The following MGAT4C variants were observed in gnomAD, a reference collection of about 807,000 sequenced individuals.
MGAT4C encodes alpha-1,3-mannosyl-glycoprotein 4-beta-N-acetylglucosaminyltransferase C.
In MGAT4C, 19 loss-of-function variants were observed where a neutral mutation model predicts 40.1. That is an observed-to-expected ratio of 0.47 (90% CI 0.33 to 0.70). MGAT4C has a LOEUF of 0.70. Ranked by LOEUF, MGAT4C falls within the 30% of genes least tolerant of loss-of-function variation. MGAT4C has a pLI of 0.02. For synonymous variants in MGAT4C, 181 were observed against 187.1 expected, an observed-to-expected ratio of 0.97 and a Z score of 0.27; for missense variants, 491 against 563.2, an observed-to-expected ratio of 0.87 and a Z score of 1.30.
At chr12:86,175,556 G>C (rs1477732374) in intron 1 of MGAT4C, among the ~76,000 whole-genome samples, 1 of 152,002 alleles carries the variant, frequency 6.6e-6, no homozygotes, top group East Asian at 1.9e-4. Flanking sequence ...TACATATTCA[G>C]GATTCTCTCT....
At position 86,048,358 on chromosome 12, in the gene MGAT4C, C is replaced by T. The variant is rs558646609; in HGVS notation, c.-7+1316G>A. The stretch of plus-strand genomic sequence containing the variant: ...AGTGAGGGTTGAAAAACTACTAAAT[C>T]GGGTACTATGCTTGCTACCTGAGTG... On this transcript the variant is annotated intron_variant, in intron 2 of 4. Coordinates refer to ENST00000611864, the MANE Select transcript of MGAT4C (RefSeq NM_001351288.2). 7.9e-5 allele frequency among the ~76,000 whole-genome samples: 12 copies of T among 152,006 alleles called. No homozygotes were observed. The South Asian group carries it at 1.5e-3, about 18-fold the overall frequency.
At chr12:86,375,764 C>A (rs1955811758) in intron 3 of MGAT4C, among the ~76,000 whole-genome samples, 2 of 151,908 alleles carry the variant, frequency 1.3e-5, no homozygotes, top group Non-Finnish European at 2.9e-5. Flanking sequence ...TCAAGATTGT[C>A]ATTAACAATG....
intron 2 of MGAT4C, among the ~76,000 whole-genome samples, chr12:86,603,622 T>C (rs1471008793): frequency 8.0e-6 from 1 of 125,546 alleles, no homozygotes; most frequent in Non-Finnish European, 1.6e-5. Context: ...ATATATTATA[T>C]AGTCTATAGA....
chr12:85,980,377 G>A lies in MGAT4C; in HGVS notation c.349C>T (p.Leu117Phe). Residue 117 changes from leucine (L) to phenylalanine (F), a missense_variant, in exon 5 of 5, where the codon CTT becomes TTT. Transcript: ENST00000611864. ...SVKRKKGNYLLETIKSIFEQS... is the reference protein window; with the variant it reads ...SVKRKKGNYLFETIKSIFEQS... Reference sequence around the variant, plus strand: ...TCAAAAATTGACTTAATTGTCTCAAGTAAATAGTTTCCTTTTTTTCGCTTT... The same window carrying A: ...TCAAAAATTGACTTAATTGTCTCAAATAAATAGTTTCCTTTTTTTCGCTTT... 1 of 1,610,220 alleles carries A rather than the reference G, an allele frequency of 6.2e-7. No homozygotes were observed. Among genetic ancestry groups the A allele is most frequent in the Non-Finnish European group, 8.5e-7 (1 of 1,178,642 alleles).
At chr12:86,798,598 A>C (rs1239214947) in intron 1 of MGAT4C, among the ~76,000 whole-genome samples, 1 of 151,924 alleles carries the variant, frequency 6.6e-6, no homozygotes, top group Non-Finnish European at 1.5e-5. Flanking sequence ...ATTATTTATC[A>C]ATCTTTGTCT....
intron 1 of MGAT4C, among the ~76,000 whole-genome samples, chr12:86,740,052 T>C (rs866971533): frequency 2.0e-5 from 3 of 151,066 alleles, no homozygotes; most frequent in Non-Finnish European, 4.5e-5. Flanking sequence ...TGATTCACAA[T>C]CATTATTTTT....
intron 2 of MGAT4C, among the ~76,000 whole-genome samples, chr12:86,569,102 A>G (rs1211005392): frequency 6.6e-6 from 1 of 152,072 alleles, no homozygotes. Flanking sequence ...ATATATATAT[A>G]TTCTTCAGGA....
chr12:86,057,487 A>G (rs116696059), intron 1 of MGAT4C, among the ~76,000 whole-genome samples: 566 of 152,272 alleles, frequency 3.7e-3, no homozygotes, highest in African/African-American at 0.013. Flanking sequence ...ACTACCTGCT[A>G]TTTTCCAAAC....
At chr12:86,108,733 C>A (rs1307135053) in intron 1 of MGAT4C, among the ~76,000 whole-genome samples, 1 of 152,104 alleles carries the variant, frequency 6.6e-6, no homozygotes. Context: ...ATGTATGAGG[C>A]ATGGATGTTT....
intron 1 of MGAT4C, among the ~76,000 whole-genome samples, chr12:86,167,435 T>C (rs1593125509): frequency 6.6e-6 from 1 of 152,200 alleles, no homozygotes; most frequent in South Asian, 2.1e-4. Flanking sequence ...AGAGAAAGCT[T>C]AATCTGAATC....
At chr12:86,573,482 C>T (rs754735041) in intron 2 of MGAT4C, among the ~76,000 whole-genome samples, 3 of 151,994 alleles carry the variant, frequency 2.0e-5, no homozygotes, top group Non-Finnish European at 4.4e-5. Flanking sequence ...ACATTCAAAA[C>T]ATGCTTACTG....
rs1957971552 is a variant in MGAT4C, at chr12:86,483,697, CTTAT to C, written c.-228-48436_-228-48433del. On this transcript the variant is annotated intron_variant, in intron 2 of 7. Coordinates refer to the MGAT4C transcript ENST00000548651. ...TTCACTCCAACATATTCATATGGCA[CTTAT>C]TTATTTGCAGAACTTTAGACTTCAG... 6.0e-5 allele frequency among the ~76,000 whole-genome samples: 9 copies of C among 150,730 alleles called. 1 individual carries two copies. The South Asian group carries it at 1.9e-3, about 32-fold the overall frequency.
chr12:86,504,214 G>T (rs1263332099), intron 2 of MGAT4C, among the ~76,000 whole-genome samples: 1 of 151,944 alleles, frequency 6.6e-6, no homozygotes, highest in African/African-American at 2.4e-5. Flanking sequence ...TATATTATTG[G>T]TATATTTGAA....
At chr12:86,823,624 G>GATAGA (rs1952745240) in intron 1 of MGAT4C, among the ~76,000 whole-genome samples, 1 of 150,728 alleles carries the variant, frequency 6.6e-6, no homozygotes, top group South Asian at 2.1e-4. Context: ...AGATATCCAG[G>GATAGA]ATAGAAAATG....
At chr12:86,821,496 G>C (rs1232935623) in intron 1 of MGAT4C, among the ~76,000 whole-genome samples, 3 of 150,770 alleles carry the variant, frequency 2.0e-5, no homozygotes, top group Admixed American at 1.3e-4. Context: ...TCATTTCTTT[G>C]TGTTAGGAAC....
chr12:86,206,371 C>G (rs981224898), intron 1 of MGAT4C, among the ~76,000 whole-genome samples: 1 of 152,086 alleles, frequency 6.6e-6, no homozygotes, highest in South Asian at 2.1e-4. Flanking sequence ...CATTTTTGAA[C>G]CAAAGTTTGT....
intron 2 of MGAT4C, among the ~76,000 whole-genome samples, chr12:86,004,184 G>A (rs1887638123): frequency 1.3e-5 from 2 of 152,130 alleles, no homozygotes; most frequent in Non-Finnish European, 2.9e-5. Context: ...TTGATACATT[G>A]CATTGCATGA....
chr12:86,547,916 T>G lies in MGAT4C; in HGVS notation c.-228-112651A>C, dbSNP rs573678787. Among the ~76,000 whole-genome samples the G allele has an allele frequency of 9.9e-5, 15 of 152,272 alleles. No homozygotes were observed. In the South Asian group the frequency reaches 2.7e-3, roughly 27 times the overall value. ...TGCCCTAAAAGTTCCTATTCAACAC[T>G]TTGGTTGGCTTTTTCTTGTATTTCA... On this transcript the variant is annotated intron_variant, in intron 2 of 7. Transcript: ENST00000548651.
In MGAT4C at chr12:85,967,726, G is replaced by A. The variant is rs1014944018; in HGVS notation, c.*11563C>T. The A allele has an allele frequency of 6.6e-6, 1 of 152,036 alleles. No individual in the cohort carries two copies. The highest frequency in any genetic ancestry group is 1.9e-4 in the East Asian group (1 of 5,194). 9.4% of individuals were successfully genotyped at this position (152,036 alleles called of 1,614,324 possible). On this transcript the variant is annotated 3_prime_UTR_variant, in exon 5 of 5. Transcript: ENST00000611864. ...TTTTTAAAAGTGATTTTAATTAAAT[G>A]GACATGTTTCTCTTTAGCCAGAAAT...
Sources: allele counts gnomAD v4.1 joint callset (sites outside exome capture counted in the v4.1 genomes callset), GRCh38; gene constraint gnomAD v4.1.1; transcripts MANE v1.5; gene names NCBI Gene and HGNC (gene_info 2026-07-23, HGNC 2026-07-21).